USP50: variants seen among roughly 807,000 people sequenced by gnomAD.
USP50 encodes ubiquitin carboxyl-terminal hydrolase 50.
A neutral mutation model predicts 39.2 loss-of-function variants in USP50; 37 were observed. The ratio of observed to expected loss-of-function variants is 0.94; its 90% CI spans 0.73 to 1.24. USP50 has a LOEUF of 1.24. Among genes scored for constraint, USP50 ranks in the 50% most tolerant of loss-of-function variants. The pLI, the probability that USP50 is intolerant of heterozygous loss-of-function variation, is 0.00. For missense variants in USP50, 374 were observed against 398.2 expected, an observed-to-expected ratio of 0.94 and a Z score of 0.52; for synonymous variants, 139 against 144.5, an observed-to-expected ratio of 0.96 and a Z score of 0.27.
chr15:50,515,513 A>G (rs1265499638), intron 6 of USP50, among the ~76,000 whole-genome samples: 1 of 152,076 alleles, frequency 6.6e-6, no homozygotes, highest in African/African-American at 2.4e-5. Flanking sequence ...GAGTGCTGGG[A>G]TTACAGGTGT....
chr15:50,525,733 ATG>A (rs1341982283), intron 6 of USP50, among the ~76,000 whole-genome samples: 6 of 85,654 alleles, frequency 7.0e-5, no homozygotes, highest in Admixed American at 3.0e-4. Flanking sequence ...ATATATGTAT[ATG>A]TATATAATCT....
chr15:50,534,864 G>T (rs1314347029), intron 5 of USP50, among the ~76,000 whole-genome samples: 1 of 152,146 alleles, frequency 6.6e-6, no homozygotes, highest in Non-Finnish European at 1.5e-5. Context: ...AAACTGGCTG[G>T]GTACCGTGGC....
rs777239933 is a variant in USP50, at chr15:50,544,721, G to T, written c.114C>A (p.Pro38=). Reference sequence around the variant, plus strand: ...ACAAGCCAGTGACACCCTGAAAATGGGGCTGGTTCCCATCAGCCTCCTTAA... The same window carrying T: ...ACAAGCCAGTGACACCCTGAAAATGTGGCTGGTTCCCATCAGCCTCCTTAA... ...LPVKEADGNQ[P]HFQGVTGLWN... is the part of the protein sequence containing the mutation. The change falls in exon 2 of 7, where the codon CCC becomes CCA. Residue 38 remains proline (P), a synonymous_variant. Transcript: ENST00000532404. 1.2e-6 allele frequency: 2 copies of T among 1,614,014 alleles called. No homozygotes were observed. The highest frequency in any genetic ancestry group is 1.7e-6 in the Non-Finnish European group (2 of 1,179,900).
chr15:50,520,121 C>G (rs2052836979), intron 6 of USP50, among the ~76,000 whole-genome samples: 1 of 151,858 alleles, frequency 6.6e-6, no homozygotes. Context: ...GCTAGGGCAA[C>G]ATAGTGAGAT....
At chr15:50,495,825 A>G, downstream of USP50, 1 of 1,556,154 alleles carries the variant, frequency 6.4e-7, no homozygotes, top group South Asian at 1.1e-5. Context: ...ATTAATATAG[A>G]GCTTAAATCA....
intron 6 of USP50, chr15:50,511,989 T>C (rs1006637941): frequency 6.6e-6 from 1 of 151,200 alleles, no homozygotes; most frequent in African/African-American, 2.4e-5. Context: ...GAGTGAGATA[T>C]TGTCTCAAAA....
intron 6 of USP50, among the ~76,000 whole-genome samples, chr15:50,525,725 A>ATATC (rs2052891815): frequency 2.0e-5 from 2 of 98,366 alleles, no homozygotes; most frequent in Non-Finnish European, 4.2e-5. Context: ...GTATATGTAT[A>ATATC]TATGTATATG....
At chr15:50,539,108 G>GT (rs1295647053) in intron 4 of USP50, among the ~76,000 whole-genome samples, 4,365 of 133,434 alleles carry the variant, frequency 0.033, 232 homozygotes, top group African/African-American at 0.11. Context: ...GTTTTTTTTG[G>GT]TTTTGTTTTT....
At chr15:50,506,182 A>C (rs1456570342) in intron 6 of USP50, 1 of 152,350 alleles carries the variant, frequency 6.6e-6, no homozygotes, top group Non-Finnish European at 1.5e-5. Context: ...AGCAGCAAGA[A>C]CAACAGGGGA....
downstream of USP50, chr15:50,495,791 C>G (rs1350845871): frequency 1.5e-6 from 2 of 1,363,832 alleles, no homozygotes; most frequent in Non-Finnish European, 2.0e-6. Flanking sequence ...TTTATTCTTT[C>G]AATTTAAATG....
chr15:50,540,892 C>T (rs1272849223), intron 4 of USP50, among the ~76,000 whole-genome samples, 157 bp downstream of exon 4: 3 of 151,910 alleles, frequency 2.0e-5, no homozygotes, highest in South Asian at 2.1e-4. Flanking sequence ...CAAAAGTGCT[C>T]GGATTACAGG....
At chr15:50,545,924 A>G (rs1288817044) in intron 1 of USP50, among the ~76,000 whole-genome samples, 1 of 151,310 alleles carries the variant, frequency 6.6e-6, no homozygotes, top group Non-Finnish European at 1.5e-5. Flanking sequence ...ATGACAACTG[A>G]AAAATTTTTT....
At chr15:50,544,085 T>TG (rs1469621972) in intron 2 of USP50, 3 of 378,514 alleles carry the variant, frequency 7.9e-6, no homozygotes, top group Non-Finnish European at 1.5e-5. Flanking sequence ...GCCAGCACTT[T>TG]GGGGGGCCGA....
chr15:50,538,227 A>T (rs1392478593), intron 5 of USP50, among the ~76,000 whole-genome samples: 2 of 141,560 alleles, frequency 1.4e-5, no homozygotes, highest in Non-Finnish European at 3.1e-5. Context: ...CAGTGAGCTG[A>T]GATCACATCA....
At chr15:50,501,342 T>C (rs2052584651) in intron 6 of USP50, 1 of 148,490 alleles carries the variant, frequency 6.7e-6, no homozygotes, top group Non-Finnish European at 1.5e-5. Flanking sequence ...GGCATAGTGG[T>C]GCACACCTGT....
chr15:50,494,271 T>C, intron 1 of USP50: 1 of 1,599,914 alleles, frequency 6.3e-7, no homozygotes, highest in South Asian at 1.1e-5. Flanking sequence ...TCCATGAAGA[T>C]CTAAATAAAG....
chr15:50,514,193 A>T (rs1271130815), intron 6 of USP50: 1 of 152,222 alleles, frequency 6.6e-6, no homozygotes, highest in Admixed American at 6.5e-5. Flanking sequence ...CATTTATACG[A>T]AGCATAAAAT....
At chr15:50,536,811 A>G (rs1214479121) in intron 5 of USP50, among the ~76,000 whole-genome samples, 2 of 152,192 alleles carry the variant, frequency 1.3e-5, no homozygotes, top group Admixed American at 6.5e-5. Context: ...ACCTAAATAG[A>G]GAGATATATT....
At chr15:50,538,993 T>C (rs1341431042) in intron 4 of USP50, 142 bp from the exon 5 acceptor site, 2 of 839,350 alleles carry the variant, frequency 2.4e-6, no homozygotes, top group Admixed American at 3.6e-5. Context: ...AAGACAACAG[T>C]CTCACTAGCT....
Sources: gnomAD v4.1 joint callset for allele counts (sites outside exome capture counted in the v4.1 genomes callset) on GRCh38, gnomAD v4.1.1 for gene constraint, MANE v1.5 for transcripts, NCBI Gene and HGNC (gene_info 2026-07-23, HGNC 2026-07-21) for gene names.